Variants in XKR9 observed in about 807,000 individuals in gnomAD.
The protein encoded by XKR9 is XK-related protein 9.
Under a neutral mutation model 32.0 loss-of-function variants are expected in XKR9, and 32 were observed. The observed-to-expected ratio is 1.00, with a 90% CI of 0.76 to 1.34. The LOEUF (loss-of-function observed/expected upper bound fraction) is 1.34, where lower values mean the gene tolerates loss of function less well. Ranked by LOEUF, XKR9 falls within the 40% of genes most tolerant of loss-of-function variation. XKR9 has a pLI of 0.00. For missense variants in XKR9, 546 were observed against 429.7 expected (o/e 1.27, Z -2.39); for synonymous variants, 168 against 143.4 (o/e 1.17, Z -1.22).
the XKR9 span, among the ~76,000 whole-genome samples, chr8:70,948,882 A>G: frequency 6.6e-6 from 1 of 152,230 alleles, no homozygotes; most frequent in Non-Finnish European, 1.5e-5. Context: ...TTCTTCAGGA[A>G]GTTGAAAACA....
At chr8:70,859,484 C>T in the XKR9 span, among the ~76,000 whole-genome samples, 1 of 151,982 alleles carries the variant, frequency 6.6e-6, no homozygotes, top group Admixed American at 6.6e-5. Context: ...TCCAGCAATC[C>T]CACTACTAGG....
intron 2 of XKR9, among the ~76,000 whole-genome samples, chr8:70,764,119 T>C (rs1807343441): frequency 6.6e-6 from 1 of 152,228 alleles, no homozygotes. Flanking sequence ...GACTGCTGTC[T>C]TGGGATCTTC....
At chr8:70,695,791 G>C (rs919439773) in intron 3 of XKR9, among the ~76,000 whole-genome samples, 5 of 148,880 alleles carry the variant, frequency 3.4e-5, no homozygotes, top group South Asian at 2.1e-4. Flanking sequence ...TACAGTCCCA[G>C]CAACAGTGTA....
In XKR9 at chr8:70,697,830, G is replaced by A. The variant is rs1454642664; in HGVS notation, c.273-9103G>A. Among the ~76,000 whole-genome samples, 795 of 152,028 alleles carry A rather than the reference G, an allele frequency of 5.2e-3. 9 individuals are homozygous for A. Among genetic ancestry groups the A allele is most frequent in the African/African-American group, 0.018 (764 of 41,468 alleles). ...ATCTGGTCCTGGACTCTTTCTGGTTGGTAAGCTATTGATTATTGCCACAAT... is the reference window on the plus strand; with the variant it reads ...ATCTGGTCCTGGACTCTTTCTGGTTAGTAAGCTATTGATTATTGCCACAAT... On this transcript the variant is annotated intron_variant, in intron 3 of 4. Transcript: ENST00000408926.
chr8:70,723,278 AC>A (rs1355452706), intron 4 of XKR9, among the ~76,000 whole-genome samples: 1 of 151,950 alleles, frequency 6.6e-6, no homozygotes, highest in African/African-American at 2.4e-5. Flanking sequence ...ATTGTTACCC[AC>A]CTTCTGAAGC....
the XKR9 span, among the ~76,000 whole-genome samples, chr8:70,819,129 C>A: frequency 6.6e-6 from 1 of 152,182 alleles, no homozygotes; most frequent in African/African-American, 2.4e-5. Flanking sequence ...CAGCTTGGAT[C>A]TGTTCTTTCA....
intron 2 of XKR9, among the ~76,000 whole-genome samples, chr8:70,786,933 T>C (rs1178301606): frequency 6.6e-6 from 1 of 152,188 alleles, no homozygotes; most frequent in Admixed American, 6.6e-5. Flanking sequence ...TTTGTGTTTC[T>C]ATTAAGTATT....
chr8:70,694,182 C>T (rs1284541895), intron 3 of XKR9, among the ~76,000 whole-genome samples: 2 of 152,226 alleles, frequency 1.3e-5, no homozygotes, highest in Non-Finnish European at 2.9e-5. Context: ...TTAAAGGCAC[C>T]TGTAGGGAGT....
At chr8:70,849,504 G>T in the XKR9 span, among the ~76,000 whole-genome samples, 1 of 152,138 alleles carries the variant, frequency 6.6e-6, no homozygotes, top group South Asian at 2.1e-4. Flanking sequence ...ATGCCTGCAG[G>T]AGAAAGCAAG....
chr8:70,839,966 A>G, the XKR9 span, among the ~76,000 whole-genome samples: 1 of 152,094 alleles, frequency 6.6e-6, no homozygotes, highest in South Asian at 2.1e-4. Flanking sequence ...TCTTTCAGCT[A>G]TTATCTCATC....
chr8:70,745,225 T>C (rs1337578314), intron 2 of XKR9, among the ~76,000 whole-genome samples: 1 of 131,238 alleles, frequency 7.6e-6, no homozygotes, highest in Non-Finnish European at 1.8e-5. Context: ...AAATGAACTT[T>C]TAATATAGAA....
chr8:70,988,618 T>A, the XKR9 span, among the ~76,000 whole-genome samples: 1 of 152,348 alleles, frequency 6.6e-6, no homozygotes, highest in East Asian at 1.9e-4. Flanking sequence ...TCAGTGCCTA[T>A]TTTGTTATTA....
chr8:71,029,457 A>G, the XKR9 span, among the ~76,000 whole-genome samples: 3 of 152,190 alleles, frequency 2.0e-5, 1 homozygote, highest in Non-Finnish European at 2.9e-5. Context: ...TGTGCCACAG[A>G]ATCTCTCTGG....
At chr8:70,872,745 C>T in the XKR9 span, among the ~76,000 whole-genome samples, 4 of 152,084 alleles carry the variant, frequency 2.6e-5, no homozygotes, top group Admixed American at 1.3e-4. Flanking sequence ...ACTGCAACCT[C>T]TTCCTCCCAG....
chr8:70,719,844 T>A (rs933455402), intron 4 of XKR9, among the ~76,000 whole-genome samples: 2 of 152,126 alleles, frequency 1.3e-5, no homozygotes, highest in Admixed American at 1.3e-4. Flanking sequence ...CAGTGGTACC[T>A]TGATGGTTAT....
intron 4 of XKR9, among the ~76,000 whole-genome samples, chr8:70,726,102 A>T (rs1257956000): frequency 1.3e-5 from 2 of 152,244 alleles, no homozygotes; most frequent in Non-Finnish European, 2.9e-5. Context: ...GCCCCATCAC[A>T]GCAATATGAA....
the XKR9 span, among the ~76,000 whole-genome samples, chr8:71,033,509 T>C: frequency 6.6e-6 from 1 of 152,312 alleles, no homozygotes; most frequent in East Asian, 1.9e-4. Context: ...TCAAAACTCA[T>C]ATTGAAATTT....
At chr8:70,712,252 A>T (rs1396216141) in intron 4 of XKR9, among the ~76,000 whole-genome samples, 1 of 152,152 alleles carries the variant, frequency 6.6e-6, no homozygotes, top group East Asian at 1.9e-4. Flanking sequence ...TAAGTTATTC[A>T]ACTCTTCCCC....
At chr8:70,982,539 C>T in the XKR9 span, among the ~76,000 whole-genome samples, 78 of 152,264 alleles carry the variant, frequency 5.1e-4, 1 homozygote, top group African/African-American at 1.6e-3. Flanking sequence ...TCACTCCCAC[C>T]GTGCCCCCAA....
Sources: gnomAD v4.1 joint callset for allele counts (sites outside exome capture counted in the v4.1 genomes callset) on GRCh38, gnomAD v4.1.1 for gene constraint, MANE v1.5 for transcripts, NCBI Gene and HGNC (gene_info 2026-07-23, HGNC 2026-07-21) for gene names.